Variants in TLL1 observed in about 807,000 individuals in gnomAD.
TLL1 encodes tolloid-like protein 1.
TLL1 carries 49 observed loss-of-function variants against 128.2 expected under a neutral mutation model. The ratio of observed to expected loss-of-function variants is 0.38; its 90% CI spans 0.30 to 0.48. The LOEUF (loss-of-function observed/expected upper bound fraction) is 0.48. Ranked by LOEUF, TLL1 falls within the 20% of genes least tolerant of loss-of-function variation. The pLI is 0.96. For missense variants in TLL1, 1,123 were observed against 1,242.0 expected (o/e 0.90, Z 1.44); for synonymous variants, 454 against 418.8 (o/e 1.08, Z -1.03).
rs182351354 is a variant in TLL1 at position 166,035,947 on chromosome 4, G to A, written c.1159-3392G>A. Among the ~76,000 whole-genome samples the A allele has an allele frequency of 2.0e-4, 30 of 152,118 alleles. No individual in the cohort carries two copies. In the East Asian group the frequency reaches 3.3e-3, roughly 17 times the overall value. On this transcript the variant is annotated intron_variant, in intron 9 of 20. Coordinates refer to ENST00000061240, the MANE Select transcript of TLL1 (RefSeq NM_012464.5). ...TTATTTCTGAGGCAAAAAAAATATC[G>A]CCACTCTGGAAAGTTTACTAGACTT...
intron 1 of TLL1, among the ~76,000 whole-genome samples, chr4:165,969,628 T>C (rs1735543644): frequency 6.6e-6 from 1 of 152,132 alleles, no homozygotes; most frequent in South Asian, 2.1e-4. Flanking sequence ...TGTCATAAAT[T>C]GGTTGTGGGG....
chr4:166,036,438 A>G (rs1408249373), intron 9 of TLL1, among the ~76,000 whole-genome samples: 1 of 152,222 alleles, frequency 6.6e-6, no homozygotes, highest in African/African-American at 2.4e-5. Flanking sequence ...AAATATTTAT[A>G]TAGTTGTGTT....
At chr4:166,002,491 C>A (rs1014615790) in intron 5 of TLL1, among the ~76,000 whole-genome samples, 1 of 152,074 alleles carries the variant, frequency 6.6e-6, no homozygotes, top group African/African-American at 2.4e-5. Flanking sequence ...GTTGCTCAGG[C>A]TGGAGCGCAG....
intron 1 of TLL1, among the ~76,000 whole-genome samples, chr4:165,936,030 TC>T (rs1176460629): frequency 6.6e-6 from 1 of 151,666 alleles, no homozygotes; most frequent in East Asian, 1.9e-4. Flanking sequence ...TTTTTTTTTT[TC>T]ATGTCAGCAG....
intron 1 of TLL1, among the ~76,000 whole-genome samples, chr4:165,930,299 G>A (rs989257114): frequency 6.6e-6 from 1 of 152,168 alleles, no homozygotes; most frequent in Non-Finnish European, 1.5e-5. Flanking sequence ...GGCGGTAGTA[G>A]TAGAGGGGTT....
At chr4:165,895,361 T>C (rs1254650655) in intron 1 of TLL1, among the ~76,000 whole-genome samples, 4 of 152,028 alleles carry the variant, frequency 2.6e-5, no homozygotes, top group African/African-American at 7.2e-5. Context: ...TAATGAGTGA[T>C]CAATCAGAAA....
chr4:165,994,892 G>A (rs1317980100), intron 4 of TLL1, among the ~76,000 whole-genome samples, 169 bp from the exon 5 acceptor site: 2 of 152,166 alleles, frequency 1.3e-5, no homozygotes. Flanking sequence ...TATAAAGTGA[G>A]TGTCCGTTCT....
chr4:166,100,529 A>C (rs1269206135), intron 20 of TLL1, among the ~76,000 whole-genome samples: 3 of 152,094 alleles, frequency 2.0e-5, no homozygotes, highest in Non-Finnish European at 2.9e-5. Context: ...TACATCACCG[A>C]CTAGTCGCGT....
intron 14 of TLL1, among the ~76,000 whole-genome samples, chr4:166,059,214 C>T (rs1038768807): frequency 6.6e-5 from 10 of 151,814 alleles, no homozygotes; most frequent in Admixed American, 2.0e-4. Flanking sequence ...TGTATACACA[C>T]ACACACACAC....
intron 1 of TLL1, among the ~76,000 whole-genome samples, chr4:165,890,774 G>A (rs956823222): frequency 1.3e-5 from 2 of 152,174 alleles, no homozygotes; most frequent in African/African-American, 4.8e-5. Flanking sequence ...AGCTGTCAGT[G>A]GATTTACCAT....
At chr4:166,010,288 A>G (rs562088121) in intron 7 of TLL1, among the ~76,000 whole-genome samples, 157 of 151,454 alleles carry the variant, frequency 1.0e-3, no homozygotes, top group Non-Finnish European at 2.0e-3. Flanking sequence ...GTGTGCAAAT[A>G]TCTCTCCAGC....
At chr4:166,002,428 A>T (rs1191743775) in intron 5 of TLL1, among the ~76,000 whole-genome samples, 1 of 152,010 alleles carries the variant, frequency 6.6e-6, no homozygotes, top group Non-Finnish European at 1.5e-5. Flanking sequence ...ATCTTTTGAA[A>T]ATAATGTTCT....
chr4:165,909,495 G>A (rs192734808), intron 1 of TLL1, among the ~76,000 whole-genome samples: 69 of 152,302 alleles, frequency 4.5e-4, no homozygotes, highest in African/African-American at 1.5e-3. Flanking sequence ...GAGTTCCAAG[G>A]ACTTAGGTCT....
In TLL1 at chr4:165,890,908, C is replaced by T. The variant is rs1579446624; in HGVS notation, c.169+16835C>T. On this transcript the variant is annotated intron_variant, in intron 1 of 20. Coordinates refer to ENST00000061240, the MANE Select transcript of TLL1 (RefSeq NM_012464.5). ...CCCTAGCAGAGGTTCTCCATGAGGGCTCTGCCCCTGCAGCACACCTCTGCC... is the reference window on the plus strand; with the variant it reads ...CCCTAGCAGAGGTTCTCCATGAGGGTTCTGCCCCTGCAGCACACCTCTGCC... Among the ~76,000 whole-genome samples, 4 of 152,332 alleles carry T rather than the reference C, an allele frequency of 2.6e-5. No homozygotes were observed. In the East Asian group the frequency reaches 7.7e-4, roughly 29 times the overall value.
chr4:166,071,678 T>A (rs944085444), intron 16 of TLL1, among the ~76,000 whole-genome samples: 1 of 152,130 alleles, frequency 6.6e-6, no homozygotes, highest in African/African-American at 2.4e-5. Context: ...AGAGTTTTTG[T>A]CCTAAGAGCA....
chr4:165,902,016 G>C (rs1014771231), intron 1 of TLL1, among the ~76,000 whole-genome samples: 1 of 152,158 alleles, frequency 6.6e-6, no homozygotes, highest in Non-Finnish European at 1.5e-5. Flanking sequence ...TGCCGAGTTC[G>C]AACTTCTGGG....
At chr4:166,097,721 A>C (rs17047264) in intron 19 of TLL1, among the ~76,000 whole-genome samples, 2 of 152,072 alleles carry the variant, frequency 1.3e-5, no homozygotes, top group African/African-American at 4.8e-5. Flanking sequence ...CAGCTGCCTA[A>C]CCATCTTCAC....
At chr4:165,980,736 G>T (rs926291527) in intron 1 of TLL1, among the ~76,000 whole-genome samples, 3 of 152,002 alleles carry the variant, frequency 2.0e-5, no homozygotes, top group Admixed American at 2.0e-4. Flanking sequence ...ATTTAAAATG[G>T]ACTTTAAGTT....
intron 1 of TLL1, among the ~76,000 whole-genome samples, chr4:165,976,644 T>G (rs1182795723): frequency 6.6e-6 from 1 of 152,202 alleles, no homozygotes; most frequent in Admixed American, 6.5e-5. Flanking sequence ...ATATAAAGAT[T>G]CATATAAAGT....
Sources: gnomAD v4.1 joint callset for allele counts (sites outside exome capture counted in the v4.1 genomes callset) on GRCh38, gnomAD v4.1.1 for gene constraint, MANE v1.5 for transcripts, NCBI Gene and HGNC (gene_info 2026-07-23, HGNC 2026-07-21) for gene names.